CSMD1: variants seen among roughly 807,000 people sequenced by gnomAD.
The protein encoded by CSMD1 is CUB and Sushi multiple domains 1.
CSMD1 carries 213 observed loss-of-function variants against 417.5 expected under a neutral mutation model. That is an observed-to-expected ratio of 0.51 (90% CI 0.46 to 0.57). The LOEUF (loss-of-function observed/expected upper bound fraction) is 0.57. Among genes scored for constraint, CSMD1 ranks in the 20% least tolerant of loss-of-function variants. CSMD1 has a pLI of 0.00. For missense variants in CSMD1, 6,923 were observed against 4,529.7 expected (o/e 1.53, Z -15.17); for synonymous variants, 2,862 against 1,736.8 (o/e 1.65, Z -16.11).
intron 49 of CSMD1, among the ~76,000 whole-genome samples, chr8:3,075,586 C>T (rs1001071292): frequency 6.6e-6 from 1 of 151,956 alleles, no homozygotes; most frequent in African/African-American, 2.4e-5. Flanking sequence ...AGGCTAGCCT[C>T]ATGTATTTCT....
intron 5 of CSMD1, among the ~76,000 whole-genome samples, chr8:3,804,250 C>T (rs2219986): frequency 0.026 from 3,971 of 152,070 alleles, 147 homozygotes; most frequent in African/African-American, 0.085. Context: ...AAATTTTAAA[C>T]GTCAATTCAA....
At position 2,936,469 on chromosome 8, in the gene CSMD1, CT is replaced by C. The variant is rs1585021509; in HGVS notation, c.*2115del. 1.4e-5 allele frequency: 2 copies of C among 143,324 alleles called. No individual in the cohort carries two copies. The highest frequency in any genetic ancestry group is 4.6e-4 in the East Asian group (2 of 4,334). 8.9% of individuals were successfully genotyped at this position (143,324 alleles called of 1,614,324 possible). Reference sequence around the variant, plus strand: ...GCCTCCTCACACTTTCAATCATCTTCTGTTTCGTTCAATGTGTGTGTTAGGA... The same window carrying C: ...GCCTCCTCACACTTTCAATCATCTTCGTTTCGTTCAATGTGTGTGTTAGGA... On this transcript the variant is annotated 3_prime_UTR_variant, in exon 70 of 70. Coordinates refer to ENST00000635120, the MANE Select transcript of CSMD1 (RefSeq NM_033225.6).
intron 10 of CSMD1, among the ~76,000 whole-genome samples, chr8:3,564,713 C>A (rs1799624570): frequency 6.6e-6 from 1 of 151,270 alleles, no homozygotes; most frequent in African/African-American, 2.4e-5. Flanking sequence ...ATGTACGTGC[C>A]CTTGTGGCAG....
At chr8:3,599,025 G>A (rs749720079) in intron 8 of CSMD1, among the ~76,000 whole-genome samples, 3 of 152,132 alleles carry the variant, frequency 2.0e-5, no homozygotes, top group African/African-American at 4.8e-5. Context: ...GGGTTGCAGT[G>A]AGCAGAGCTT....
chr8:3,080,131 C>G lies in CSMD1; in HGVS notation c.7474+6966G>C, dbSNP rs746833434. Among the ~76,000 whole-genome samples the G allele has an allele frequency of 5.4e-4, 82 of 152,190 alleles. 1 individual carries two copies. The highest frequency in any genetic ancestry group is 1.8e-4 in the Non-Finnish European group (12 of 68,040). The stretch of plus-strand genomic sequence containing the variant: ...CAAAAGCCACAGCTGATAGAAGGCT[C>G]TGAGAACCAGACCTTGAAAGTAAAT... On this transcript the variant is annotated intron_variant, in intron 49 of 69. Coordinates refer to ENST00000635120, the MANE Select transcript of CSMD1 (RefSeq NM_033225.6).
intron 2 of CSMD1, among the ~76,000 whole-genome samples, chr8:4,484,045 G>A (rs1359454265): frequency 1.3e-5 from 2 of 152,150 alleles, no homozygotes; most frequent in African/African-American, 4.8e-5. Flanking sequence ...ACATTTCTTA[G>A]TCTGCCAAGC....
Position 3,199,780 on chromosome 8 carries a change from G to C in CSMD1, c.5128C>G (p.Gln1710Glu). The C allele has an allele frequency of 1.3e-6, 2 of 1,581,556 alleles. No homozygotes were observed. Among genetic ancestry groups the C allele is most frequent in the African/African-American group, 1.3e-5 (1 of 74,476 alleles). The change falls in exon 33 of 70, where the codon CAA (glutamine) becomes GAA (glutamate). Residue 1710 changes from glutamine (Q) to glutamate (E), a missense_variant. Physicochemically the swap from Gln to Glu is conservative, Grantham distance 29. Transcript: ENST00000635120. ...GETLPLATSNQILLRFSAKSG... is the reference protein window; with the variant it reads ...GETLPLATSNEILLRFSAKSG... Reference sequence around the variant, plus strand: ...TTTGCACTGAATCGGAGCAGAATTTGATTTGACGTAGCCAAGGGCAATGTT... The same window carrying C: ...TTTGCACTGAATCGGAGCAGAATTTCATTTGACGTAGCCAAGGGCAATGTT...
chr8:3,462,687 G>A (rs549272778), intron 12 of CSMD1, among the ~76,000 whole-genome samples: 2 of 152,226 alleles, frequency 1.3e-5, no homozygotes, highest in Admixed American at 6.5e-5. Flanking sequence ...GAAATAAAGT[G>A]CACAGTAAAT....
intron 7 of CSMD1, among the ~76,000 whole-genome samples, chr8:3,704,436 G>A (rs910746263): frequency 1.3e-5 from 2 of 152,152 alleles, no homozygotes; most frequent in African/African-American, 2.4e-5. Context: ...AAGAGAAGTG[G>A]TACTTTGTAC....
chr8:4,137,277 G>T (rs555876448), intron 3 of CSMD1, among the ~76,000 whole-genome samples: 144 of 152,206 alleles, frequency 9.5e-4, no homozygotes, highest in African/African-American at 3.3e-3. Flanking sequence ...AAAGAAACAT[G>T]GTCTAATTTT....
intron 5 of CSMD1, among the ~76,000 whole-genome samples, chr8:3,763,799 C>T (rs1039461176): frequency 6.6e-6 from 1 of 152,136 alleles, no homozygotes; most frequent in Admixed American, 6.5e-5. Flanking sequence ...TCTCAGAGGA[C>T]CCAGGTCCCT....
At chr8:3,669,879 G>A (rs1452858490) in intron 7 of CSMD1, among the ~76,000 whole-genome samples, 2 of 152,132 alleles carry the variant, frequency 1.3e-5, no homozygotes, top group Non-Finnish European at 2.9e-5. Context: ...TGATGATCAA[G>A]CACCTCCTTC....
At chr8:4,699,448 C>T (rs1807369044) in intron 1 of CSMD1, among the ~76,000 whole-genome samples, 2 of 152,148 alleles carry the variant, frequency 1.3e-5, no homozygotes, top group South Asian at 4.1e-4. Context: ...GGTTCAATGT[C>T]ATATTCTATA....
chr8:3,550,099 G>A (rs747737654), intron 10 of CSMD1, among the ~76,000 whole-genome samples: 101 of 152,102 alleles, frequency 6.6e-4, no homozygotes, highest in Non-Finnish European at 1.3e-3. Context: ...GCAAAGCACA[G>A]AGCCGATAAA....
intron 3 of CSMD1, among the ~76,000 whole-genome samples, chr8:4,385,159 T>A (rs113916325): frequency 2.6e-5 from 2 of 77,262 alleles, no homozygotes; most frequent in East Asian, 2.6e-4. Flanking sequence ...ACTCCTGACC[T>A]CAGGTGATCC....
chr8:4,064,983 G>A (rs1799170929), intron 3 of CSMD1, among the ~76,000 whole-genome samples: 1 of 151,348 alleles, frequency 6.6e-6, no homozygotes, highest in African/African-American at 2.4e-5. Flanking sequence ...TAACTTTTGT[G>A]TCAGTTTTCA....
intron 3 of CSMD1, among the ~76,000 whole-genome samples, chr8:4,416,748 T>G (rs1796963894): frequency 6.6e-6 from 1 of 152,122 alleles, no homozygotes; most frequent in South Asian, 2.1e-4. Context: ...TGTCAGCCTT[T>G]GTCTCATGTC....
chr8:4,795,252 CTTTTTTTTTTTTT>C (rs571984359), intron 1 of CSMD1, among the ~76,000 whole-genome samples: 51 of 46,242 alleles, frequency 1.1e-3, no homozygotes, highest in African/African-American at 2.8e-3. Context: ...GGTGTCATAG[CTTTTTTTTTTTTT>C]TTTTTTTTTT....
At chr8:4,038,313 A>G (rs1178907505) in intron 3 of CSMD1, among the ~76,000 whole-genome samples, 2 of 152,194 alleles carry the variant, frequency 1.3e-5, no homozygotes, top group Non-Finnish European at 2.9e-5. Flanking sequence ...AAAACGCAAA[A>G]CAGACATAGT....
Sources: gnomAD v4.1 joint callset for allele counts (sites outside exome capture counted in the v4.1 genomes callset) on GRCh38, gnomAD v4.1.1 for gene constraint, MANE v1.5 for transcripts, NCBI Gene and HGNC (gene_info 2026-07-23, HGNC 2026-07-21) for gene names.